Variants in ANKLE1 observed in about 807,000 individuals in gnomAD.
ANKLE1 encodes the protein ankyrin repeat and LEM domain containing 1.
In ANKLE1, 59 loss-of-function variants were observed where a neutral mutation model predicts 56.2. The observed-to-expected ratio is 1.05, with a 90% confidence interval of 0.85 to 1.30. The LOEUF is 1.30. ANKLE1 is among the 50% of genes most tolerant of loss of function. The pLI is 0.00. For missense variants in ANKLE1, 771 were observed against 816.1 expected (o/e 0.94, Z 0.67); for synonymous variants, 341 against 352.9 (o/e 0.97, Z 0.38).
chr19:17,284,311 G>T, intron 6 of ANKLE1, 45 bp downstream of exon 6: 1 of 1,589,818 alleles, frequency 6.3e-7, no homozygotes, highest in African/African-American at 1.3e-5. Flanking sequence ...TAGAAAATTT[G>T]GGGATTGGTT....
rs1262853395 is a variant in ANKLE1 at position 17,283,915 on chromosome 19, C to T, written c.1151C>T (p.Thr384Ile). 1 of 1,611,922 alleles carries T rather than the reference C, an allele frequency of 6.2e-7. No homozygotes were observed. The highest frequency in any genetic ancestry group is 1.7e-5 in the Admixed American group (1 of 59,960). Residue 384 changes from threonine to isoleucine, a missense_variant, in exon 5 of 9, where the codon ACC (threonine) becomes ATC (isoleucine). By Grantham distance (89) the Thr-to-Ile change is moderately conservative (BLOSUM62 -1). Transcript: ENST00000404085. ...GENPHPITPFTRQLYHQQLEE... is the reference protein window; with the variant it reads ...GENPHPITPFIRQLYHQQLEE... ...AATCCTCACCCCATCACACCCTTCACCAGGCAGTTGTACCACCAGCAGCTG... is the reference window on the plus strand; with the variant it reads ...AATCCTCACCCCATCACACCCTTCATCAGGCAGTTGTACCACCAGCAGCTG...
At position 17,285,300 on chromosome 19, in the gene ANKLE1, G is replaced by A. The variant is rs1015321391; in HGVS notation, c.1377-131G>A. The A allele has an allele frequency of 4.7e-6, 5 of 1,068,612 alleles. No homozygotes were observed. The African/African-American group carries it at 6.4e-5, about 14-fold the overall frequency. 66.2% of individuals were successfully genotyped at this position (1,068,612 alleles called of 1,614,324 possible). On this transcript the variant is annotated intron_variant, in intron 6 of 8. Coordinates refer to ENST00000404085, the MANE Select transcript of ANKLE1 (RefSeq NM_152363.6). Reference sequence around the variant, plus strand: ...GAAAGCTGCTGAATGTCTTTGGGGAGCCGCTGACTCTCTCTGATCCTGTAA... The same window carrying A: ...GAAAGCTGCTGAATGTCTTTGGGGAACCGCTGACTCTCTCTGATCCTGTAA...
At chr19:17,282,327 T>A in intron 2 of ANKLE1, 118 bp downstream of exon 2, 2 of 1,341,572 alleles carry the variant, frequency 1.5e-6, no homozygotes, top group Non-Finnish European at 2.0e-6. Flanking sequence ...GTTTAGGGGA[T>A]CTTGGGGAGG....
In ANKLE1 at chr19:17,284,684, C is replaced by CTTTTTTTT. The variant is rs67967763; in HGVS notation, c.1376+430_1376+437dup. On this transcript the variant is annotated intron_variant, in intron 6 of 8. Transcript: ENST00000404085. ...CAGGTGTGAGCCACCGCACCGGCCT[C>CTTTTTTTT]TTTTTTTTTTTTTTTTTTTGAGGCG... Among the ~76,000 whole-genome samples, 492 of 91,878 alleles carry CTTTTTTTT rather than the reference C, an allele frequency of 5.4e-3. 14 individuals carry two copies. Among genetic ancestry groups the CTTTTTTTT allele is most frequent in the Non-Finnish European group, 7.9e-3 (380 of 48,268 alleles). The allele number at this position is 91,878 out of a possible 152,430, so 60.3% of individuals were successfully genotyped here.
At position 17,283,021 on chromosome 19, in the gene ANKLE1, G is replaced by A; in HGVS notation, c.460+19G>A. 1.9e-6 allele frequency: 3 copies of A among 1,551,604 alleles called. No individual in the cohort carries two copies. The highest frequency in any genetic ancestry group is 2.4e-5 in the East Asian group (1 of 42,032). ...CCTGGCAGTGAGTAGGGCCTGCAGG[G>A]CTGCTGGGGCTTGACTTCTGGACCA... On this transcript the variant is annotated intron_variant, in intron 4 of 8. Coordinates refer to ENST00000404085, the MANE Select transcript of ANKLE1 (RefSeq NM_152363.6).
Position 17,286,690 on chromosome 19 carries a change from G to T in ANKLE1, c.*138G>T, listed in dbSNP as rs1313090986. The T allele has an allele frequency of 3.3e-4, 271 of 812,950 alleles. No individual in the cohort carries two copies. The highest frequency in any genetic ancestry group is 6.5e-4 in the Admixed American group (14 of 21,424). The allele number at this position is 812,950 out of a possible 1,614,324, so 50.4% of individuals were successfully genotyped here. On this transcript the variant is annotated 3_prime_UTR_variant, in exon 9 of 9. Transcript: ENST00000404085. Reference sequence around the variant, plus strand: ...TGTGTGTGTGTGTGTGTGTGTGTGTGTTTGTGTGTGTGTGTGTGTGTGTAG... The same window carrying T: ...TGTGTGTGTGTGTGTGTGTGTGTGTTTTTGTGTGTGTGTGTGTGTGTGTAG...
At chr19:17,284,355 G>A in intron 6 of ANKLE1, 89 bp downstream of exon 6, 1 of 1,299,524 alleles carries the variant, frequency 7.7e-7, no homozygotes, top group Admixed American at 2.4e-5. Context: ...AAAGGGACTG[G>A]CCCTAGAATC....
At position 17,284,285 on chromosome 19, in the gene ANKLE1, C is replaced by T. The variant is rs781241027; in HGVS notation, c.1376+19C>T. 6.2e-7 allele frequency: 1 copy of T among 1,603,000 alleles called. No homozygotes were observed. Among genetic ancestry groups the T allele is most frequent in the Non-Finnish European group, 8.5e-7 (1 of 1,173,226 alleles). On this transcript the variant is annotated intron_variant, in intron 6 of 8. Coordinates refer to ENST00000404085, the MANE Select transcript of ANKLE1 (RefSeq NM_152363.6). Reference sequence around the variant, plus strand: ...ACCCCAGGTACTCAGGGCAGGAAAGCCCCAGAAATAGAAACTAGAAAATTT... The same window carrying T: ...ACCCCAGGTACTCAGGGCAGGAAAGTCCCAGAAATAGAAACTAGAAAATTT...
At position 17,282,676 on chromosome 19, in the gene ANKLE1, C is replaced by T. The variant is rs1419006316; in HGVS notation, c.236C>T (p.Pro79Leu). ...PNARSVEALTPLHVAAAWGCR... is the reference protein window; with the variant it reads ...PNARSVEALTLLHVAAAWGCR... ...CCCAGATCTGTCGAGGCACTGACGC[C>T]GCTGCATGTGGCCGCCGCGTGGGGC... Residue 79 changes from proline to leucine, a missense_variant, in exon 3 of 9, where the codon CCG (proline) becomes CTG (leucine). Transcript: ENST00000404085. The T allele has an allele frequency of 3.3e-6, 5 of 1,534,940 alleles. No individual in the cohort carries two copies. In the South Asian group the frequency reaches 4.8e-5, roughly 15 times the overall value.
In ANKLE1 at chr19:17,283,360, C is replaced by G; in HGVS notation, c.596C>G (p.Thr199Ser). 1 of 1,613,730 alleles carries G rather than the reference C, an allele frequency of 6.2e-7. No homozygotes were observed. Among genetic ancestry groups the G allele is most frequent in the African/African-American group, 1.3e-5 (1 of 75,064 alleles). ...CCCAGCCTCCCTGTTCCCCTTGAAA[C>G]TGTGGACAAACATGGGAGCTCGGCG... ...GPPSLPVPLE[T>S]VDKHGSSASP... is the part of the protein sequence containing the mutation. The change falls in exon 5 of 9, where the codon ACT becomes AGT. Residue 199 changes from threonine (T) to serine (S), a missense_variant. Coordinates refer to ENST00000404085, the MANE Select transcript of ANKLE1 (RefSeq NM_152363.6).
rs373411721 is a variant in ANKLE1 at position 17,283,631 on chromosome 19, G to A, written c.867G>A (p.Gln289=). 1.2e-5 allele frequency: 19 copies of A among 1,612,546 alleles called. No individual in the cohort carries two copies. Among genetic ancestry groups the A allele is most frequent in the Non-Finnish European group, 1.4e-5 (17 of 1,179,288 alleles). Residue 289 remains glutamine (Q), a synonymous_variant, in exon 5 of 9, where the codon CAG becomes CAA. Coordinates refer to ENST00000404085, the MANE Select transcript of ANKLE1 (RefSeq NM_152363.6). ...TLTPPNAAGF[Q]SSPSSMPLLD... The stretch of plus-strand genomic sequence containing the variant: ...CCCCACCAAATGCTGCTGGCTTCCA[G>A]TCCTCCCCTTCCTCCATGCCTCTCC...
chr19:17,285,025 T>C (rs2074016341), intron 6 of ANKLE1, among the ~76,000 whole-genome samples: 1 of 151,750 alleles, frequency 6.6e-6, no homozygotes, highest in Non-Finnish European at 1.5e-5. Context: ...TTTGGGAGGC[T>C]GAGGTGGGCG....
chr19:17,282,789 A>C, intron 3 of ANKLE1, 28 bp downstream of exon 3: 4 of 1,565,706 alleles, frequency 2.6e-6, no homozygotes, highest in Non-Finnish European at 3.4e-6. Context: ...GGGCAAAGAA[A>C]GGCTGGGTGA....
chr19:17,283,997 C>G (rs1329517515), intron 5 of ANKLE1, 35 bp downstream of exon 5: 1 of 1,591,858 alleles, frequency 6.3e-7, no homozygotes, highest in South Asian at 1.1e-5. Context: ...GTCCAGGGAG[C>G]CTCCAGGAAT....
Position 17,281,984 on chromosome 19 carries a change from T to TGAGGGC in ANKLE1, c.62+4_62+9dup. 6.5e-7 allele frequency: 1 copy of TGAGGGC among 1,533,846 alleles called. No individual in the cohort carries two copies. The highest frequency in any genetic ancestry group is 8.7e-7 in the Non-Finnish European group (1 of 1,145,314). ...TGCGCTGCGGGAGGAGGAGCCGTGG[T>TGAGGGC]GAGGGCGGGGCCGGGGGCGGGCCAG... On this transcript the variant is annotated splice_region_variant and intron_variant, in intron 1 of 8. Transcript: ENST00000404085.
At position 17,286,575 on chromosome 19, in the gene ANKLE1, G is replaced by T. The variant is rs769802726; in HGVS notation, c.*23G>T. The T allele has an allele frequency of 1.9e-4, 302 of 1,585,806 alleles. No individual in the cohort carries two copies. Among genetic ancestry groups the T allele is most frequent in the Non-Finnish European group, 2.5e-4 (288 of 1,166,776 alleles). On this transcript the variant is annotated 3_prime_UTR_variant, in exon 9 of 9. Transcript: ENST00000404085. ...TGAGTGCTGGGGAGTTGGCCATCCA[G>T]CCTGGGGAGAAATGTTTGAATGTTC...
rs765178780 is a variant in ANKLE1, at chr19:17,283,899, C to T, written c.1135C>T (p.Pro379Ser). 1.2e-5 allele frequency: 20 copies of T among 1,613,104 alleles called. No individual in the cohort carries two copies. The South Asian group carries it at 2.1e-4, about 17-fold the overall frequency. ...CCGAGCACTTGGTGAGAATCCTCAC[C>T]CCATCACACCCTTCACCAGGCAGTT... ...GLRALGENPH[P>S]ITPFTRQLYH... is the part of the protein sequence containing the mutation. The change falls in exon 5 of 9, where the codon CCC becomes TCC. Residue 379 changes from proline to serine, a missense_variant. Pro to Ser is a moderately conservative substitution (Grantham distance 74, BLOSUM62 -1). Transcript: ENST00000404085.
At chr19:17,284,453 G>A (rs948428830) in intron 6 of ANKLE1, among the ~76,000 whole-genome samples, 187 bp downstream of exon 6, 7 of 151,886 alleles carry the variant, frequency 4.6e-5, no homozygotes, top group African/African-American at 1.7e-4. Flanking sequence ...GTGCCGTCTC[G>A]GCTCACTGCA....
chr19:17,283,541 GAGGGTACCT>G lies in ANKLE1; in HGVS notation c.781_789del (p.Val261_Arg263del), dbSNP rs1305288437. Reference sequence around the variant, plus strand: ...TTCTGCATGTTGTCCATGCCAACCAGAGGGTACCTAGGTCTCAGGGCACGGAGGCAGAAC... The same window carrying G: ...TTCTGCATGTTGTCCATGCCAACCAGAGGTCTCAGGGCACGGAGGCAGAAC... On this transcript the variant is annotated inframe_deletion, in exon 5 of 9. Transcript: ENST00000404085. The G allele has an allele frequency of 6.2e-7, 1 of 1,612,902 alleles. No homozygotes were observed. Among genetic ancestry groups the G allele is most frequent in the Non-Finnish European group, 8.5e-7 (1 of 1,179,784 alleles).
Sources: gnomAD v4.1 joint callset for allele counts (sites outside exome capture counted in the v4.1 genomes callset) on GRCh38, gnomAD v4.1.1 for gene constraint, MANE v1.5 for transcripts, NCBI Gene and HGNC (gene_info 2026-07-23, HGNC 2026-07-21) for gene names.